Variants in ERCC3 observed in about 807,000 individuals in gnomAD.
ERCC3 encodes the protein general transcription and DNA repair factor IIH helicase/translocase subunit XPB.
In ERCC3, 66 loss-of-function variants were observed where a neutral mutation model predicts 94.2. The observed-to-expected ratio is 0.70, with a 90% CI of 0.57 to 0.86. ERCC3 has a LOEUF of 0.86. Ranked by LOEUF, ERCC3 falls within the 40% of genes least tolerant of loss-of-function variation. The probability of loss-of-function intolerance (pLI) is 0.00; values close to 1 mark genes in which losing one functional copy is unlikely to be tolerated. For synonymous variants in ERCC3, 349 were observed against 369.1 expected, an observed-to-expected ratio of 0.95 and a Z score of 0.63; for missense variants, 829 against 987.1, an observed-to-expected ratio of 0.84 and a Z score of 2.15.
chr2:127,286,573 C>T (rs1573956953), intron 8 of ERCC3, 130 bp downstream of exon 8: 6 of 866,286 alleles, frequency 6.9e-6, no homozygotes, highest in East Asian at 2.4e-5. Context: ...CTATTAAAAG[C>T]TTTACCCAGC....
At position 127,285,509 on chromosome 2, in the gene ERCC3, G is replaced by A. The variant is rs148898316; in HGVS notation, c.1342+1194C>T. ...AGTTTGAGACCAGCCTGACCAACACGGAGAAACCCTGTCTCTACTAAAAAT... is the reference window on the plus strand; with the variant it reads ...AGTTTGAGACCAGCCTGACCAACACAGAGAAACCCTGTCTCTACTAAAAAT... On this transcript the variant is annotated intron_variant, in intron 8 of 14. Transcript: ENST00000285398. 1.3e-3 allele frequency among the ~76,000 whole-genome samples: 194 copies of A among 152,220 alleles called. 1 individual carries two copies. The East Asian group carries it at 0.035, about 27-fold the overall frequency.
rs4150418 is a variant in ERCC3 at position 127,288,391 on chromosome 2, C to T, written c.1027+269G>A. ...CTCTAGCACCACCCAAGGTTGTACA[C>T]ATCTGCTTACCATCTGTCTCTTCCC... On this transcript the variant is annotated intron_variant, in intron 7 of 14. Coordinates refer to ENST00000285398, the MANE Select transcript of ERCC3 (RefSeq NM_000122.2). 8.4e-3 allele frequency among the ~76,000 whole-genome samples: 1,280 copies of T among 152,322 alleles called. 22 individuals carry two copies. Among genetic ancestry groups the T allele is most frequent in the African/African-American group, 0.029 (1,220 of 41,562 alleles).
At chr2:127,281,552 T>C (rs73956503) in intron 8 of ERCC3, among the ~76,000 whole-genome samples, 1 of 152,208 alleles carries the variant, frequency 6.6e-6, no homozygotes, top group Admixed American at 6.5e-5. Context: ...GTTAAAATGT[T>C]TGAGTCATGC....
At chr2:127,290,335 T>G (rs1685225819) in intron 3 of ERCC3, 62 bp from the exon 4 acceptor site, 1 of 1,306,884 alleles carries the variant, frequency 7.7e-7, no homozygotes, top group South Asian at 1.2e-5. Context: ...CATTCATTAC[T>G]GGTCACATCT....
Position 127,286,824 on chromosome 2 carries a change from AATGGCAACGGAGCAGCCG to A in ERCC3, c.1203_1220del (p.Gly402_Ile407del). 1 of 1,614,216 alleles carries A rather than the reference AATGGCAACGGAGCAGCCG, an allele frequency of 6.2e-7. No homozygotes were observed. The highest frequency in any genetic ancestry group is 8.5e-7 in the Non-Finnish European group (1 of 1,180,042). On this transcript the variant is annotated inframe_deletion, in exon 8 of 15. Transcript: ENST00000285398. ...TGTGGCCCAGCATGGAGTAGGTGCTAATGGCAACGGAGCAGCCGATGGGCTTGTCCTTGGCATCGGAGG... is the reference window on the plus strand; with the variant it reads ...TGTGGCCCAGCATGGAGTAGGTGCTAATGGGCTTGTCCTTGGCATCGGAGG...
At chr2:127,268,431 T>G (rs754168207) in intron 12 of ERCC3, among the ~76,000 whole-genome samples, 1 of 151,920 alleles carries the variant, frequency 6.6e-6, no homozygotes, top group Non-Finnish European at 1.5e-5. Context: ...GCTAGCTAAT[T>G]GTTGTATTTT....
intron 12 of ERCC3, chr2:127,261,944 T>A (rs4150511): frequency 6.4e-6 from 1 of 155,962 alleles, no homozygotes; most frequent in Non-Finnish European, 1.4e-5. Flanking sequence ...TTAAACACAC[T>A]GTTATAACCA....
At chr2:127,292,448 T>C in intron 3 of ERCC3, 162 bp downstream of exon 3, 1 of 743,824 alleles carries the variant, frequency 1.3e-6, no homozygotes, top group South Asian at 1.4e-5. Context: ...AACACAATGC[T>C]GGATCCAGAG....
Position 127,288,644 on chromosome 2 carries a change from C to T in ERCC3, c.1027+16G>A. The T allele has an allele frequency of 6.2e-7, 1 of 1,611,818 alleles. No individual in the cohort carries two copies. The highest frequency in any genetic ancestry group is 8.5e-7 in the Non-Finnish European group (1 of 1,177,878). ...CACAACAGCCTGACCACCTTCTTAA[C>T]TCTGGTACCACTTACCGCAGGGAAG... is the stretch of plus-strand genomic sequence containing the variant. On this transcript the variant is annotated intron_variant, in intron 7 of 14. Coordinates refer to ENST00000285398, the MANE Select transcript of ERCC3 (RefSeq NM_000122.2).
intron 3 of ERCC3, chr2:127,290,905 A>C (rs920426108): frequency 2.6e-5 from 4 of 153,924 alleles, no homozygotes; most frequent in African/African-American, 9.7e-5. Context: ...AACATGGTGA[A>C]ACCCCATCTC....
rs751088488 is a variant in ERCC3 at position 127,289,404 on chromosome 2, T to C, written c.755A>G (p.Tyr252Cys). The C allele has an allele frequency of 6.2e-6, 10 of 1,613,606 alleles. No homozygotes were observed. Among genetic ancestry groups the C allele is most frequent in the East Asian group, 2.2e-5 (1 of 44,880 alleles). The change falls in exon 6 of 15, where the codon TAT (tyrosine) becomes TGT (cysteine). Residue 252 changes from tyrosine to cysteine, a missense_variant. Transcript: ENST00000285398. ...TTCTTCATCCTTGTCCATTTGCTCA[T>C]AGAAGTCAAACAGGTCCATGGGGAT... ...SDIPMDLFDF[Y>C]EQMDKDEEEE...
intron 12 of ERCC3, chr2:127,261,638 CAAAT>C: frequency 2.5e-6 from 1 of 400,576 alleles, no homozygotes; most frequent in Non-Finnish European, 4.7e-6. Context: ...AACAACAAGA[CAAAT>C]TAATTATAAA....
chr2:127,272,071 T>G (rs1188495249), intron 11 of ERCC3, among the ~76,000 whole-genome samples: 3 of 128,464 alleles, frequency 2.3e-5, no homozygotes, highest in African/African-American at 8.9e-5. Context: ...TAGGCTGGAG[T>G]GCAACGGCAC....
chr2:127,285,355 T>C (rs1685031821), intron 8 of ERCC3, among the ~76,000 whole-genome samples: 1 of 152,164 alleles, frequency 6.6e-6, no homozygotes, highest in African/African-American at 2.4e-5. Context: ...AAGTCTGGAC[T>C]TCAAGACCAG....
rs1172305852 is a variant in ERCC3, at chr2:127,277,065, T to G, written c.1730+2108A>C. 6.6e-6 allele frequency among the ~76,000 whole-genome samples: 1 copy of G among 152,088 alleles called. No homozygotes were observed. The highest frequency in any genetic ancestry group is 1.5e-5 in the Non-Finnish European group (1 of 68,034). ...TACTGGAACATGTGCTCCATCAAAA[T>G]GAGTAACCAAGAGGGTGGAGATTTC... On this transcript the variant is annotated intron_variant, in intron 10 of 14. Coordinates refer to ENST00000285398, the MANE Select transcript of ERCC3 (RefSeq NM_000122.2). This position sits in a 1 kb window ranked among gnomAD's most constrained non-coding sequence, Gnocchi z 5.1.
chr2:127,294,109 AC>A lies in ERCC3; in HGVS notation c.-29del. Reference sequence around the variant, plus strand: ...CAGCTACAGCAGCAGAGAGAAGATGACCCCGCTCCCACAGGCCCGCCGCGGC... The same window carrying A: ...CAGCTACAGCAGCAGAGAGAAGATGACCCGCTCCCACAGGCCCGCCGCGGC... On this transcript the variant is annotated 5_prime_UTR_variant, in exon 1 of 15. An upstream open reading frame in the 5' UTR loses its in-frame stop. Transcript: ENST00000285398. 6.2e-7 allele frequency: 1 copy of A among 1,602,530 alleles called. No homozygotes were observed. The highest frequency in any genetic ancestry group is 8.5e-7 in the Non-Finnish European group (1 of 1,178,314).
rs1684073421 is a variant in ERCC3 at position 127,258,066 on chromosome 2, C to T, written c.2218-339G>A. On this transcript the variant is annotated intron_variant, in intron 14 of 14. Coordinates refer to ENST00000285398, the MANE Select transcript of ERCC3 (RefSeq NM_000122.2). This position sits in a 1 kb window ranked among gnomAD's most constrained non-coding sequence, Gnocchi z 4.1. ...CAGACTGTTCTTAACCATAATGCCA[C>T]ACTACCTCACTTAATAACAACTTCT... Among the ~76,000 whole-genome samples, 1 of 152,106 alleles carries T rather than the reference C, an allele frequency of 6.6e-6. No homozygotes were observed. The highest frequency in any genetic ancestry group is 1.5e-5 in the Non-Finnish European group (1 of 68,016).
chr2:127,289,561 A>C lies in ERCC3; in HGVS notation c.658-60T>G, dbSNP rs753748701. The C allele has an allele frequency of 8.7e-6, 14 of 1,605,204 alleles. 1 individual carries two copies. In the South Asian group the frequency reaches 1.5e-4, roughly 18 times the overall value. On this transcript the variant is annotated intron_variant, in intron 5 of 14. Transcript: ENST00000285398. ...CATTTAATTCTGCTGTTATCAAGCAATGGGTGAAGTTGTAAAGGGTAGAAC... is the reference window on the plus strand; with the variant it reads ...CATTTAATTCTGCTGTTATCAAGCACTGGGTGAAGTTGTAAAGGGTAGAAC...
At chr2:127,285,558 C>T (rs4150426) in intron 8 of ERCC3, among the ~76,000 whole-genome samples, 249 of 152,180 alleles carry the variant, frequency 1.6e-3, no homozygotes, top group African/African-American at 5.3e-3. Flanking sequence ...GGCATGGTGG[C>T]GCACACCTGT....
Sources: allele counts gnomAD v4.1 joint callset (sites outside exome capture counted in the v4.1 genomes callset), GRCh38; gene constraint gnomAD v4.1.1; non-coding constraint Gnocchi (gnomAD v3.1); transcripts MANE v1.5; gene names NCBI Gene and HGNC (gene_info 2026-07-23, HGNC 2026-07-21).